Variants in ADNP observed in about 807,000 individuals in gnomAD.
ADNP encodes activity-dependent neuroprotector homeobox protein.
A neutral mutation model predicts 84.9 loss-of-function variants in ADNP; 4 were observed. The observed-to-expected ratio is 0.05, with a 90% CI of 0.02 to 0.11. The LOEUF is 0.11. ADNP is among the 10% of genes least tolerant of loss of function. ADNP has a pLI of 1.00. For missense variants in ADNP, 1,132 were observed against 1,326.0 expected (o/e 0.85, Z 2.27); for synonymous variants, 554 against 468.1 (o/e 1.18, Z -2.37).
intron 2 of ADNP, among the ~76,000 whole-genome samples, chr20:50,922,656 T>C (rs1447491727): frequency 6.7e-6 from 1 of 150,062 alleles, no homozygotes; most frequent in Non-Finnish European, 1.5e-5. Flanking sequence ...CTCGCCTCAC[T>C]GTAACCTCTG....
chr20:50,912,992 C>CT (rs1286295199), intron 2 of ADNP, among the ~76,000 whole-genome samples: 1 of 152,032 alleles, frequency 6.6e-6, no homozygotes, highest in African/African-American at 2.4e-5. Flanking sequence ...TGGCTCATGT[C>CT]TGTAATCCCA....
Position 50,891,302 on chromosome 20 carries a change from C to G in ADNP, c.*103G>C. The G allele has an allele frequency of 1.4e-6, 2 of 1,445,822 alleles. No homozygotes were observed. The highest frequency in any genetic ancestry group is 1.8e-6 in the Non-Finnish European group (2 of 1,106,020). The allele number at this position is 1,445,822 out of a possible 1,614,324, so 89.6% of individuals were successfully genotyped here. On this transcript the variant is annotated 3_prime_UTR_variant, in exon 6 of 6. Coordinates refer to ENST00000621696, the MANE Select transcript of ADNP (RefSeq NM_001282531.3). Reference sequence around the variant, plus strand: ...AGCGGCCACATGCCCCACAGTCCAACCAGTACTCACAAGGCAGTACCAGTG... The same window carrying G: ...AGCGGCCACATGCCCCACAGTCCAAGCAGTACTCACAAGGCAGTACCAGTG...
chr20:50,928,702 G>T lies in ADNP; in HGVS notation c.-141C>A, dbSNP rs1984446953. On this transcript the variant is annotated 5_prime_UTR_variant, in exon 2 of 6. It adds an upstream start codon to the 5' untranslated region. Coordinates refer to ENST00000621696, the MANE Select transcript of ADNP (RefSeq NM_001282531.3). ...AGAGCAAGGCAGGAAACGGAGTCCA[G>T]ATCCTCAAAATGGTAGTACAGGGCA... The T allele has an allele frequency of 6.6e-6, 1 of 152,256 alleles. No individual in the cohort carries two copies. Among genetic ancestry groups the T allele is most frequent in the African/African-American group, 2.4e-5 (1 of 41,450 alleles). The allele number at this position is 152,256 out of a possible 1,614,324, so 9.4% of individuals were successfully genotyped here.
At chr20:50,911,624 T>G (rs1983050632) in intron 2 of ADNP, among the ~76,000 whole-genome samples, 1 of 152,042 alleles carries the variant, frequency 6.6e-6, no homozygotes, top group African/African-American at 2.4e-5. Flanking sequence ...CTGCAGGATC[T>G]GGCACACCAA....
rs1275275562 is a variant in ADNP, at chr20:50,917,125, T to C, written c.-90+11526A>G. Among the ~76,000 whole-genome samples, 3 of 152,192 alleles carry C rather than the reference T, an allele frequency of 2.0e-5. No individual in the cohort carries two copies. In the East Asian group the frequency reaches 5.8e-4, roughly 29 times the overall value. On this transcript the variant is annotated intron_variant, in intron 2 of 5. Transcript: ENST00000621696. Reference sequence around the variant, plus strand: ...CTCCAGACCTGAGATGCAGCACTCCTGTCACTACCCATGCAGACCAAACTC... The same window carrying C: ...CTCCAGACCTGAGATGCAGCACTCCCGTCACTACCCATGCAGACCAAACTC...
intron 2 of ADNP, among the ~76,000 whole-genome samples, chr20:50,928,429 C>T (rs1479629029): frequency 2.6e-5 from 4 of 152,172 alleles, no homozygotes; most frequent in African/African-American, 9.7e-5. Context: ...CAAATGATTA[C>T]AATATTAGCA....
rs540866118 is a variant in ADNP, at chr20:50,926,019, G to A, written c.-90+2632C>T. ...AGAGGCTGAGGCAGGAAAATCACTC[G>A]AACCCGGGAAGCAGAGGTTGCAGTG... On this transcript the variant is annotated intron_variant, in intron 2 of 5. Coordinates refer to ENST00000621696, the MANE Select transcript of ADNP (RefSeq NM_001282531.3). Among the ~76,000 whole-genome samples the A allele has an allele frequency of 1.4e-4, 22 of 152,218 alleles. 1 individual carries two copies. The highest frequency in any genetic ancestry group is 5.1e-4 in the African/African-American group (21 of 41,534).
At chr20:50,926,949 G>A (rs184714002) in intron 2 of ADNP, among the ~76,000 whole-genome samples, 107 of 151,948 alleles carry the variant, frequency 7.0e-4, no homozygotes, top group Non-Finnish European at 6.3e-4. Context: ...GAGTATTTTA[G>A]TTTTCAAAAT....
rs758309899 is a variant in ADNP, at chr20:50,893,238, G to C, written c.1476C>G (p.Leu492=). Residue 492 remains leucine, a synonymous_variant, in exon 6 of 6, where the codon CTC becomes CTG. Transcript: ENST00000621696. The surrounding 1 kb of genome is among the most constrained non-coding windows in gnomAD (Gnocchi z 4.4). ...CTGTGGGTAAATAGCGATTACAGTA[G>C]AGGCATTTGCTAGTAAAATTGTGTA... ...MKIHNFTSKC[L]YCNRYLPTDT... 1.2e-6 allele frequency: 2 copies of C among 1,614,272 alleles called. No homozygotes were observed. The highest frequency in any genetic ancestry group is 3.3e-4 in the Middle Eastern group (2 of 6,062).
intron 2 of ADNP, among the ~76,000 whole-genome samples, chr20:50,910,644 T>C (rs894870619): frequency 3.9e-5 from 6 of 152,152 alleles, no homozygotes; most frequent in Admixed American, 2.0e-4. Flanking sequence ...ATGAACTACA[T>C]GTAAACATTC....
chr20:50,906,601 TAAAA>T (rs1982494718), intron 2 of ADNP, among the ~76,000 whole-genome samples: 1 of 152,074 alleles, frequency 6.6e-6, no homozygotes, highest in Non-Finnish European at 1.5e-5. Context: ...ATAGAAAACA[TAAAA>T]AAGAATCAAG....
intron 2 of ADNP, among the ~76,000 whole-genome samples, chr20:50,921,408 T>C (rs965526977): frequency 6.6e-6 from 1 of 152,230 alleles, no homozygotes; most frequent in East Asian, 1.9e-4. Flanking sequence ...TCTGCAACTA[T>C]CTTAAATAAA....
intron 1 of ADNP, among the ~76,000 whole-genome samples, chr20:50,929,233 A>G (rs1008550055): frequency 2.0e-5 from 3 of 152,236 alleles, no homozygotes; most frequent in African/African-American, 7.2e-5. Flanking sequence ...ATGGTGACAC[A>G]TTCAAAACTT....
intron 2 of ADNP, among the ~76,000 whole-genome samples, chr20:50,913,555 G>C (rs1248586144): frequency 1.3e-5 from 2 of 152,146 alleles, no homozygotes; most frequent in African/African-American, 2.4e-5. Context: ...AATTTTCTAA[G>C]AGGGACAAGC....
chr20:50,919,035 A>T (rs186830577), intron 2 of ADNP, among the ~76,000 whole-genome samples: 2 of 152,146 alleles, frequency 1.3e-5, no homozygotes, highest in Non-Finnish European at 2.9e-5. Context: ...ATTTAGTACA[A>T]TATCACCTGA....
chr20:50,889,597 T>C lies in ADNP; in HGVS notation c.*1808A>G, dbSNP rs1420030368. The C allele has an allele frequency of 3.0e-6, 1 of 329,850 alleles. No homozygotes were observed. Among genetic ancestry groups the C allele is most frequent in the Non-Finnish European group, 5.5e-6 (1 of 183,282 alleles). 20.4% of individuals were successfully genotyped at this position (329,850 alleles called of 1,614,324 possible). A position where few individuals can be genotyped will look rare whatever the true frequency, so the allele number is the denominator to read the frequency against. On this transcript the variant is annotated 3_prime_UTR_variant, in exon 6 of 6. Transcript: ENST00000621696. The stretch of plus-strand genomic sequence containing the variant: ...TCTGGTAACAGCATTAACAAGAGTC[T>C]TTCTTTTGGAAACAGACTCAGAAGT...
chr20:50,930,493 G>C (rs1042335710), intron 1 of ADNP, among the ~76,000 whole-genome samples: 1 of 151,870 alleles, frequency 6.6e-6, no homozygotes, highest in East Asian at 2.0e-4. Context: ...GGAGAAGCTC[G>C]GTTCTGGCTG....
chr20:50,929,948 T>G (rs1303156464), intron 1 of ADNP, among the ~76,000 whole-genome samples: 3 of 151,706 alleles, frequency 2.0e-5, no homozygotes, highest in African/African-American at 7.3e-5. Context: ...TGTGTGTGTG[T>G]GGCTAAAAAG....
chr20:50,908,635 G>A (rs112546262), intron 2 of ADNP, among the ~76,000 whole-genome samples: 5,399 of 152,098 alleles, frequency 0.035, 220 homozygotes, highest in African/African-American at 0.085. Context: ...TTAGCTAGGC[G>A]TGGTGGTGGG....
Sources: allele counts gnomAD v4.1 joint callset (sites outside exome capture counted in the v4.1 genomes callset), GRCh38; gene constraint gnomAD v4.1.1; non-coding constraint Gnocchi (gnomAD v3.1); transcripts MANE v1.5; gene names NCBI Gene and HGNC (gene_info 2026-07-23, HGNC 2026-07-21).